SPATA6: variants seen among roughly 807,000 people sequenced by gnomAD.
The protein encoded by SPATA6 is spermatogenesis-associated protein 6.
In SPATA6, 56 loss-of-function variants were observed where a neutral mutation model predicts 65.3. The observed-to-expected ratio is 0.86, with a 90% CI of 0.69 to 1.07. The LOEUF (loss-of-function observed/expected upper bound fraction) is 1.07, where lower values mean the gene tolerates loss of function less well. SPATA6 is among the 50% of genes least tolerant of loss of function. The probability of loss-of-function intolerance (pLI) is 0.00; values close to 1 mark genes in which losing one functional copy is unlikely to be tolerated. For missense variants in SPATA6, 590 were observed against 594.8 expected, an observed-to-expected ratio of 0.99 and a Z score of 0.08; for synonymous variants, 199 against 213.2, an observed-to-expected ratio of 0.93 and a Z score of 0.58.
chr1:48,379,789 T>C (rs368720019), intron 9 of SPATA6, among the ~76,000 whole-genome samples: 11 of 152,302 alleles, frequency 7.2e-5, no homozygotes, highest in East Asian at 3.9e-4. Flanking sequence ...GGTGACATAA[T>C]AAATGAAAAT....
At chr1:48,277,099 C>G in the SPATA6 span, among the ~76,000 whole-genome samples, 3 of 126,452 alleles carry the variant, frequency 2.4e-5, no homozygotes, top group South Asian at 2.6e-4. Flanking sequence ...TTGTTTTTTG[C>G]TTTTTTTTTT....
intron 1 of SPATA6, among the ~76,000 whole-genome samples, chr1:48,468,846 C>T (rs905388095): frequency 3.9e-5 from 6 of 152,288 alleles, no homozygotes; most frequent in Non-Finnish European, 7.4e-5. Context: ...TTTGGGACAA[C>T]CAGAAAAACT....
chr1:48,450,728 TG>T (rs1044811061), intron 3 of SPATA6, among the ~76,000 whole-genome samples: 4 of 152,156 alleles, frequency 2.6e-5, no homozygotes, highest in African/African-American at 9.7e-5. Context: ...AGACAGACAA[TG>T]GGCCAGACTC....
chr1:48,402,167 A>T (rs1433516253), intron 6 of SPATA6, among the ~76,000 whole-genome samples: 2 of 152,140 alleles, frequency 1.3e-5, no homozygotes, highest in East Asian at 3.8e-4. Context: ...AAATAAAAAT[A>T]AAATGGAAGA....
the SPATA6 span, among the ~76,000 whole-genome samples, chr1:48,283,293 C>A: frequency 6.6e-6 from 1 of 151,604 alleles, no homozygotes; most frequent in South Asian, 2.1e-4. Flanking sequence ...TGTAACTAAC[C>A]TGCACATTGT....
intron 11 of SPATA6, among the ~76,000 whole-genome samples, chr1:48,313,867 CA>C (rs1346061209): frequency 6.6e-6 from 1 of 151,594 alleles, no homozygotes; most frequent in Non-Finnish European, 1.5e-5. Context: ...AAATGGAAAA[CA>C]AAAAAAGGCA....
At chr1:48,294,700 T>A (rs1464702970), downstream of SPATA6, among the ~76,000 whole-genome samples, 1 of 152,236 alleles carries the variant, frequency 6.6e-6, no homozygotes, top group Non-Finnish European at 1.5e-5. Flanking sequence ...CACCTTGTTT[T>A]CCTATTCTCA....
At chr1:48,408,688 CT>C in intron 5 of SPATA6, among the ~76,000 whole-genome samples, 1 of 152,284 alleles carries the variant, frequency 6.6e-6, no homozygotes, top group Middle Eastern at 3.4e-3. Context: ...AAGAGGTTTA[CT>C]GGACTTACAC....
intron 1 of SPATA6, among the ~76,000 whole-genome samples, chr1:48,470,967 G>C (rs1658192350): frequency 6.6e-6 from 1 of 152,158 alleles, no homozygotes; most frequent in Non-Finnish European, 1.5e-5. Context: ...GTGCCTGCAG[G>C]ACTAAAACGG....
chr1:48,464,910 C>T (rs1657703748), intron 1 of SPATA6, among the ~76,000 whole-genome samples: 1 of 151,816 alleles, frequency 6.6e-6, no homozygotes, highest in Non-Finnish European at 1.5e-5. Flanking sequence ...TTTAAAAAAT[C>T]AATAACGCAA....
intron 5 of SPATA6, among the ~76,000 whole-genome samples, chr1:48,405,903 A>C (rs1651657357): frequency 6.6e-6 from 1 of 152,152 alleles, no homozygotes; most frequent in Non-Finnish European, 1.5e-5. Context: ...CTACCAAAAA[A>C]AAGAAAAGAA....
At position 48,445,994 on chromosome 1, in the gene SPATA6, A is replaced by G. The variant is rs1307853993; in HGVS notation, c.238+5558T>C. Among the ~76,000 whole-genome samples, 2 of 152,210 alleles carry G rather than the reference A, an allele frequency of 1.3e-5. 1 individual carries two copies. The highest frequency in any genetic ancestry group is 4.8e-5 in the African/African-American group (2 of 41,454). On this transcript the variant is annotated intron_variant, in intron 3 of 12. Transcript: ENST00000371847. ...AAATAAATACATCACGCTAGGTCCAATTAGGAGAGAGAAGCCACATAGGAA... is the reference window on the plus strand; with the variant it reads ...AAATAAATACATCACGCTAGGTCCAGTTAGGAGAGAGAAGCCACATAGGAA...
chr1:48,349,145 C>T (rs1646448529), intron 11 of SPATA6, among the ~76,000 whole-genome samples: 1 of 151,886 alleles, frequency 6.6e-6, no homozygotes, highest in East Asian at 1.9e-4. Context: ...ATGAAATTTA[C>T]ATTTTAGTGC....
chr1:48,312,388 C>T (rs1309160536), intron 11 of SPATA6, among the ~76,000 whole-genome samples: 5 of 152,160 alleles, frequency 3.3e-5, no homozygotes, highest in Admixed American at 3.3e-4. Context: ...TTGCTGTTCA[C>T]CAAGATCCGC....
At chr1:48,289,361 G>A in the SPATA6 span, among the ~76,000 whole-genome samples, 1 of 152,164 alleles carries the variant, frequency 6.6e-6, no homozygotes, top group African/African-American at 2.4e-5. Context: ...CATCATCAAA[G>A]ACCAAAGGTA....
chr1:48,337,877 A>T (rs113827551), intron 11 of SPATA6, among the ~76,000 whole-genome samples: 1 of 151,990 alleles, frequency 6.6e-6, no homozygotes, highest in Non-Finnish European at 1.5e-5. Flanking sequence ...AAGACTGAAT[A>T]TTGTTAAGAT....
downstream of SPATA6, among the ~76,000 whole-genome samples, chr1:48,293,431 G>A (rs762529614): frequency 3.9e-5 from 6 of 151,978 alleles, no homozygotes; most frequent in Non-Finnish European, 7.4e-5. Flanking sequence ...TTCTTATCTG[G>A]ACTCCAAAGC....
At chr1:48,460,774 G>A (rs1187553053) in intron 1 of SPATA6, among the ~76,000 whole-genome samples, 1 of 151,596 alleles carries the variant, frequency 6.6e-6, no homozygotes, top group Non-Finnish European at 1.5e-5. Flanking sequence ...TTTAAAAAGA[G>A]AGACTAAATG....
At chr1:48,403,745 C>G in intron 6 of SPATA6, 57 bp downstream of exon 6, 1 of 1,405,450 alleles carries the variant, frequency 7.1e-7, no homozygotes, top group Non-Finnish European at 9.7e-7. Context: ...TGCCAAAAGG[C>G]CACAAATATG....
Sources: allele counts gnomAD v4.1 joint callset (sites outside exome capture counted in the v4.1 genomes callset), GRCh38; gene constraint gnomAD v4.1.1; transcripts MANE v1.5; gene names NCBI Gene and HGNC (gene_info 2026-07-23, HGNC 2026-07-21).